The following ZNF407 variants were observed in gnomAD, a reference collection of about 807,000 sequenced individuals.
ZNF407 encodes the protein zinc finger protein 407.
In ZNF407, 17 loss-of-function variants were observed where a neutral mutation model predicts 131.2. The observed-to-expected ratio is 0.13, with a 90% CI of 0.09 to 0.19. ZNF407 has a LOEUF of 0.19. ZNF407 is among the 10% of genes least tolerant of loss of function. The pLI, the probability that ZNF407 is intolerant of heterozygous loss-of-function variation, is 1.00. For synonymous variants in ZNF407, 1,156 were observed against 1,062.0 expected, an observed-to-expected ratio of 1.09 and a Z score of -1.72; for missense variants, 2,681 against 2,830.6, an observed-to-expected ratio of 0.95 and a Z score of 1.20.
Position 74,925,560 on chromosome 18 carries a change from C to A in ZNF407, c.5428+4868C>A, listed in dbSNP as rs982648186. ...AACCATTAGTGTTCAATACATAGAA[C>A]CTTGTAGAATAGAATGCAGTCTTCT... is the stretch of plus-strand genomic sequence containing the variant. On this transcript the variant is annotated intron_variant, in intron 8 of 8. Transcript: ENST00000299687. Among the ~76,000 whole-genome samples, 5 of 152,318 alleles carry A rather than the reference C, an allele frequency of 3.3e-5. No individual in the cohort carries two copies. In the South Asian group the frequency reaches 1.0e-3, roughly 32 times the overall value.
rs774834937 is a variant in ZNF407 at position 75,064,069 on chromosome 18, C to T, written c.6348C>T (p.Val2116=). The change falls in exon 9 of 9, where the codon GTC becomes GTT. Residue 2116 remains valine (V), a synonymous_variant. Transcript: ENST00000299687. ...VVSEEGAVHM[V]AGEGAQIIMQ... ...GCGAAGAGGGTGCCGTCCACATGGT[C>T]GCCGGGGAGGGTGCCCAGATCATCA... is the stretch of plus-strand genomic sequence containing the variant. The T allele has an allele frequency of 3.8e-6, 6 of 1,589,702 alleles. No individual in the cohort carries two copies. Among genetic ancestry groups the T allele is most frequent in the South Asian group, 2.3e-5 (2 of 87,520 alleles).
intron 7 of ZNF407, among the ~76,000 whole-genome samples, chr18:74,910,868 G>A (rs190561079): frequency 6.6e-6 from 1 of 151,586 alleles, no homozygotes; most frequent in East Asian, 1.9e-4. Flanking sequence ...TGACACAGCC[G>A]CAACACTGCA....
In ZNF407 at chr18:75,063,414, A is replaced by G; in HGVS notation, c.5693A>G (p.Gln1898Arg). The G allele has an allele frequency of 1.2e-6, 2 of 1,610,650 alleles. No homozygotes were observed. Among genetic ancestry groups the G allele is most frequent in the East Asian group, 2.2e-5 (1 of 44,738 alleles). The change falls in exon 9 of 9, where the codon CAG (glutamine) becomes CGG (arginine). Residue 1898 changes from glutamine to arginine, a missense_variant. Coordinates refer to ENST00000299687, the MANE Select transcript of ZNF407 (RefSeq NM_017757.3). This position sits in a 1 kb window ranked among gnomAD's most constrained non-coding sequence, Gnocchi z 6.6. ...CTGCAGACGCTGGCCATGGCCGGCC[A>G]GGTGGCCCGGGTGGTGCATATCACG... Reference protein sequence around the residue: ...ATLQTLAMAGQVARVVHITED... With the variant: ...ATLQTLAMAGRVARVVHITED...
chr18:74,785,829 T>C (rs1023199604), intron 4 of ZNF407, among the ~76,000 whole-genome samples: 3 of 149,796 alleles, frequency 2.0e-5, no homozygotes, highest in Admixed American at 1.3e-4. Flanking sequence ...CATGCACATG[T>C]CACTCACATG....
At chr18:74,911,870 G>C (rs898660733) in intron 7 of ZNF407, among the ~76,000 whole-genome samples, 1 of 152,162 alleles carries the variant, frequency 6.6e-6, no homozygotes, top group African/African-American at 2.4e-5. Flanking sequence ...AGTGAAGTGG[G>C]GAGATAAGCA....
At chr18:74,648,935 C>A (rs1985097918) in intron 3 of ZNF407, among the ~76,000 whole-genome samples, 1 of 152,132 alleles carries the variant, frequency 6.6e-6, no homozygotes. Context: ...CTAATCGCTT[C>A]CGTGGTCTGT....
intron 4 of ZNF407, among the ~76,000 whole-genome samples, chr18:74,818,887 C>T (rs942245492): frequency 4.6e-5 from 6 of 129,360 alleles, no homozygotes; most frequent in African/African-American, 1.6e-4. Context: ...AAAAGCTAAA[C>T]ATGAATAAAG....
intron 3 of ZNF407, among the ~76,000 whole-genome samples, chr18:74,676,561 C>T (rs146869107): frequency 0.026 from 3,910 of 151,754 alleles, 163 homozygotes; most frequent in African/African-American, 0.09. Flanking sequence ...CTCAACCTCC[C>T]GAGTAGCTGG....
intron 3 of ZNF407, among the ~76,000 whole-genome samples, chr18:74,755,216 C>T (rs909188310): frequency 2.6e-5 from 4 of 152,076 alleles, no homozygotes; most frequent in Admixed American, 6.6e-5. Context: ...AGATCTTCCT[C>T]CATCCCTTTT....
intron 3 of ZNF407, among the ~76,000 whole-genome samples, chr18:74,759,351 T>C (rs943572076): frequency 7.2e-5 from 11 of 152,220 alleles, no homozygotes; most frequent in Non-Finnish European, 1.5e-5. Flanking sequence ...GTGGTAATTA[T>C]TGAGTCTCTT....
intron 3 of ZNF407, among the ~76,000 whole-genome samples, chr18:74,677,381 C>T (rs1986435887): frequency 6.6e-6 from 1 of 152,036 alleles, no homozygotes; most frequent in African/African-American, 2.4e-5. Context: ...TTGAGCCGCC[C>T]TACGGGGTCA....
At chr18:74,765,095 T>G (rs2144984053) in intron 3 of ZNF407, among the ~76,000 whole-genome samples, 1 of 152,268 alleles carries the variant, frequency 6.6e-6, no homozygotes, top group South Asian at 2.1e-4. Context: ...ATTATTTTTA[T>G]GTAAGGGACT....
At chr18:74,923,599 G>C (rs900060491) in intron 8 of ZNF407, among the ~76,000 whole-genome samples, 1 of 152,130 alleles carries the variant, frequency 6.6e-6, no homozygotes, top group African/African-American at 2.4e-5. Context: ...CAGCTGTTAA[G>C]AGGAGTATGT....
At chr18:74,599,182 T>A (rs1222920434) in intron 1 of ZNF407, among the ~76,000 whole-genome samples, 1 of 152,202 alleles carries the variant, frequency 6.6e-6, no homozygotes, top group Non-Finnish European at 1.5e-5. Context: ...AATTATTCCC[T>A]TTTTACAAAC....
chr18:74,852,691 A>G (rs1286932113), intron 4 of ZNF407, among the ~76,000 whole-genome samples: 1 of 152,166 alleles, frequency 6.6e-6, no homozygotes, highest in East Asian at 1.9e-4. Flanking sequence ...AAAAGAAGGA[A>G]GTGAGCTTGG....
At chr18:74,652,973 G>A (rs896268489) in intron 3 of ZNF407, among the ~76,000 whole-genome samples, 1 of 151,982 alleles carries the variant, frequency 6.6e-6, no homozygotes, top group Non-Finnish European at 1.5e-5. Context: ...AAGCTTGCTA[G>A]ATGTGGATTG....
intron 1 of ZNF407, among the ~76,000 whole-genome samples, chr18:74,606,090 G>A (rs1260198203): frequency 3.3e-5 from 5 of 152,234 alleles, no homozygotes; most frequent in Non-Finnish European, 1.5e-5. Flanking sequence ...GCGGGCCTGG[G>A]CCTGGGCTTG....
chr18:74,711,483 G>A (rs1313513899), intron 3 of ZNF407, among the ~76,000 whole-genome samples: 1 of 152,174 alleles, frequency 6.6e-6, no homozygotes, highest in Non-Finnish European at 1.5e-5. Context: ...TCAAGATTGA[G>A]GAAGAAGGGG....
intron 8 of ZNF407, among the ~76,000 whole-genome samples, chr18:75,047,349 C>G (rs1973446811): frequency 6.6e-6 from 1 of 152,158 alleles, no homozygotes; most frequent in African/African-American, 2.4e-5. Context: ...CAGGGACGGC[C>G]CTTCCTCCAG....
Sources: gnomAD v4.1 joint callset for allele counts (sites outside exome capture counted in the v4.1 genomes callset) on GRCh38, gnomAD v4.1.1 for gene constraint, Gnocchi (gnomAD v3.1) non-coding constraint, MANE v1.5 for transcripts, NCBI Gene and HGNC (gene_info 2026-07-23, HGNC 2026-07-21) for gene names.